MCC: variants seen among roughly 807,000 people sequenced by gnomAD.
MCC encodes the protein MCC regulator of Wnt signaling pathway, also known as colorectal mutant cancer protein.
MCC carries 90 observed loss-of-function variants against 116.2 expected under a neutral mutation model. The ratio of observed to expected loss-of-function variants is 0.77; its 90% CI spans 0.65 to 0.92. The LOEUF (loss-of-function observed/expected upper bound fraction) is 0.92. Among genes scored for constraint, MCC ranks in the 40% least tolerant of loss-of-function variants. The pLI is 0.00. For missense variants in MCC, 1,516 were observed against 1,312.2 expected, an observed-to-expected ratio of 1.16 and a Z score of -2.40; for synonymous variants, 578 against 510.5, an observed-to-expected ratio of 1.13 and a Z score of -1.78.
intron 3 of MCC, among the ~76,000 whole-genome samples, chr5:113,190,989 T>C (rs6859190): frequency 0.57 from 85,955 of 152,092 alleles, 26,363 homozygotes; most frequent in Admixed American, 0.71. Flanking sequence ...GAAGCAGGCA[T>C]GACCCTGATA....
chr5:113,186,526 T>C (rs1434804062), intron 3 of MCC, among the ~76,000 whole-genome samples: 1 of 152,220 alleles, frequency 6.6e-6, no homozygotes, highest in East Asian at 1.9e-4. Flanking sequence ...TCAAACCTCC[T>C]AGTCTACTTC....
chr5:113,418,073 T>C (rs950341580), intron 1 of MCC, among the ~76,000 whole-genome samples: 26 of 117,320 alleles, frequency 2.2e-4, no homozygotes, highest in African/African-American at 1.0e-3. Flanking sequence ...CCTCATGTCT[T>C]TTTTGGAGAT....
At chr5:113,095,730 T>C (rs936848179) in intron 8 of MCC, among the ~76,000 whole-genome samples, 12 of 152,228 alleles carry the variant, frequency 7.9e-5, no homozygotes, top group Admixed American at 1.3e-4. Flanking sequence ...GAGGTCTTGC[T>C]ATGTTACCCA....
At chr5:113,305,009 CA>C (rs61371264) in intron 3 of MCC, among the ~76,000 whole-genome samples, 7,633 of 137,108 alleles carry the variant, frequency 0.056, 580 homozygotes, top group African/African-American at 0.18. Context: ...CCAAAAGGGG[CA>C]AAAAAAAAAA....
At chr5:113,423,154 G>A (rs919079955) in intron 1 of MCC, among the ~76,000 whole-genome samples, 1 of 152,134 alleles carries the variant, frequency 6.6e-6, no homozygotes, top group African/African-American at 2.4e-5. Context: ...TCCTTTTCAT[G>A]GTCTATTTAG....
At chr5:113,362,512 T>A (rs982901608) in intron 2 of MCC, among the ~76,000 whole-genome samples, 1 of 152,174 alleles carries the variant, frequency 6.6e-6, no homozygotes, top group Non-Finnish European at 1.5e-5. Flanking sequence ...ATCCTTACTT[T>A]CTTTCTTTCT....
Position 113,357,165 on chromosome 5 carries a change from A to AT in MCC, c.416-16436dup, listed in dbSNP as rs755826359. Among the ~76,000 whole-genome samples, 19 of 152,232 alleles carry AT rather than the reference A, an allele frequency of 1.2e-4. 1 individual carries two copies. The highest frequency in any genetic ancestry group is 7.2e-4 in the Admixed American group (11 of 15,284). On this transcript the variant is annotated intron_variant, in intron 2 of 18. Coordinates refer to ENST00000408903, the MANE Select transcript of MCC (RefSeq NM_001085377.2). The stretch of plus-strand genomic sequence containing the variant: ...GTACTTTCATGAGGTTGTTGTGAGA[A>AT]TTAAAGTTAAAATATGTACAGCATT...
Position 113,248,472 on chromosome 5 carries a change from C to T in MCC, c.627+92047G>A, listed in dbSNP as rs141582938. Reference sequence around the variant, plus strand: ...ATTTTATATCTGAGTAAAGTCGATACAGGATGAGCATCCCAACTTTGAAAA... The same window carrying T: ...ATTTTATATCTGAGTAAAGTCGATATAGGATGAGCATCCCAACTTTGAAAA... On this transcript the variant is annotated intron_variant, in intron 3 of 18. Coordinates refer to ENST00000408903, the MANE Select transcript of MCC (RefSeq NM_001085377.2). Among the ~76,000 whole-genome samples the T allele has an allele frequency of 1.1e-4, 16 of 152,262 alleles. No individual in the cohort carries two copies. In the East Asian group the frequency reaches 2.7e-3, roughly 26 times the overall value.
At chr5:113,330,539 T>C (rs758402606) in intron 3 of MCC, among the ~76,000 whole-genome samples, 11 of 152,186 alleles carry the variant, frequency 7.2e-5, no homozygotes, top group Admixed American at 2.6e-4. Context: ...AGATAAGTCA[T>C]TGGAAGAAGG....
intron 16 of MCC, chr5:113,048,845 C>T (rs144897845): frequency 3.3e-5 from 19 of 583,286 alleles, no homozygotes; most frequent in Non-Finnish European, 3.0e-5. Flanking sequence ...GAGATCACCC[C>T]TCTGATGTGA....
intron 3 of MCC, among the ~76,000 whole-genome samples, chr5:113,334,167 ATGTTT>A (rs1282742373): frequency 6.8e-6 from 1 of 148,114 alleles, no homozygotes; most frequent in Non-Finnish European, 1.5e-5. Flanking sequence ...AACTTCTGTT[ATGTTT>A]TATGTTTTAG....
In MCC at chr5:113,048,830, C is replaced by A. The variant is rs1297393765; in HGVS notation, c.2655+263G>T. ...AGGTGAGAACAGTATCAGTGGACAACTGCAGAGATCACCCCTCTGATGTGA... is the reference window on the plus strand; with the variant it reads ...AGGTGAGAACAGTATCAGTGGACAAATGCAGAGATCACCCCTCTGATGTGA... On this transcript the variant is annotated intron_variant, in intron 16 of 18. Transcript: ENST00000408903. 1.9e-5 allele frequency: 11 copies of A among 564,804 alleles called. No homozygotes were observed. In the East Asian group the frequency reaches 3.2e-4, roughly 17 times the overall value. The allele number at this position is 564,804 out of a possible 1,614,324, so 35.0% of individuals were successfully genotyped here.
chr5:113,246,732 T>C (rs1485129346), intron 3 of MCC, among the ~76,000 whole-genome samples: 2 of 152,248 alleles, frequency 1.3e-5, no homozygotes, highest in Non-Finnish European at 2.9e-5. Flanking sequence ...TGTGAACTTT[T>C]TATTGTCTTC....
At chr5:113,103,168 C>G (rs909833861) in intron 7 of MCC, among the ~76,000 whole-genome samples, 1 of 151,882 alleles carries the variant, frequency 6.6e-6, no homozygotes, top group Non-Finnish European at 1.5e-5. Flanking sequence ...AAACAGAACG[C>G]CTCCAATACT....
At chr5:113,136,590 C>G (rs1447130004) in intron 5 of MCC, among the ~76,000 whole-genome samples, 1 of 152,070 alleles carries the variant, frequency 6.6e-6, no homozygotes, top group African/African-American at 2.4e-5. Context: ...CTTTTTAGAT[C>G]TAAAATTTAG....
At chr5:113,452,653 A>C (rs992302463) in intron 1 of MCC, among the ~76,000 whole-genome samples, 2 of 152,252 alleles carry the variant, frequency 1.3e-5, no homozygotes, top group Non-Finnish European at 1.5e-5. Flanking sequence ...ACAGCAGCCT[A>C]AACAGACTAA....
intron 3 of MCC, among the ~76,000 whole-genome samples, chr5:113,258,695 C>T (rs931544420): frequency 6.6e-6 from 1 of 152,206 alleles, no homozygotes; most frequent in Non-Finnish European, 1.5e-5. Context: ...CTTAGGAGAA[C>T]TGAGGTGAGG....
chr5:113,478,776 G>A (rs1219736286), intron 1 of MCC, among the ~76,000 whole-genome samples: 3 of 152,182 alleles, frequency 2.0e-5, no homozygotes, highest in African/African-American at 7.2e-5. Context: ...GTGGCATCAT[G>A]TTCCTCAGGC....
chr5:113,291,069 T>C (rs978487293), intron 3 of MCC, among the ~76,000 whole-genome samples: 1 of 152,236 alleles, frequency 6.6e-6, no homozygotes, highest in African/African-American at 2.4e-5. Flanking sequence ...TGAATGTTCA[T>C]AGAGGCAATT....
Sources: allele counts gnomAD v4.1 joint callset (sites outside exome capture counted in the v4.1 genomes callset), GRCh38; gene constraint gnomAD v4.1.1; transcripts MANE v1.5; gene names NCBI Gene and HGNC (gene_info 2026-07-23, HGNC 2026-07-21).